CHIC2: variants seen among roughly 807,000 people sequenced by gnomAD.
CHIC2 encodes the protein cysteine rich hydrophobic domain 2.
A neutral mutation model predicts 25.9 loss-of-function variants in CHIC2; 14 were observed. The observed-to-expected ratio is 0.54, with a 90% CI of 0.36 to 0.85. The LOEUF is 0.85. CHIC2 is among the 40% of genes least tolerant of loss of function. The probability of loss-of-function intolerance (pLI) is 0.01; values close to 1 mark genes in which losing one functional copy is unlikely to be tolerated. For synonymous variants in CHIC2, 70 were observed against 72.0 expected (o/e 0.97, Z 0.14); for missense variants, 146 against 202.0 (o/e 0.72, Z 1.68).
the CHIC2 span, among the ~76,000 whole-genome samples, chr4:54,079,806 AT>A: frequency 1.3e-5 from 2 of 152,056 alleles, no homozygotes; most frequent in African/African-American, 2.4e-5. Flanking sequence ...AAAAATAAAA[AT>A]TTTTTAAAAT....
At chr4:54,049,703 G>C (rs1439734418) in intron 1 of CHIC2, among the ~76,000 whole-genome samples, 1 of 151,984 alleles carries the variant, frequency 6.6e-6, no homozygotes, top group Non-Finnish European at 1.5e-5. Context: ...GTGAATTTTA[G>C]CAGGTGTCCT....
chr4:54,031,641 CAG>C (rs34739612), intron 3 of CHIC2, among the ~76,000 whole-genome samples: 1,213 of 107,142 alleles, frequency 0.011, 18 homozygotes, highest in African/African-American at 0.042. Flanking sequence ...TTTTGTGAGA[CAG>C]AGTCTCACTA....
At chr4:54,069,494 G>A (rs1354732377), upstream of CHIC2, among the ~76,000 whole-genome samples, 2 of 152,196 alleles carry the variant, frequency 1.3e-5, no homozygotes, top group South Asian at 2.1e-4. Flanking sequence ...AATCCTCCAC[G>A]TGTTCAGCTG....
At chr4:54,021,377 T>G (rs1715896191) in intron 3 of CHIC2, among the ~76,000 whole-genome samples, 1 of 152,076 alleles carries the variant, frequency 6.6e-6, no homozygotes, top group Non-Finnish European at 1.5e-5. Flanking sequence ...GTCTGTTCCT[T>G]CAGTCTCCAC....
intron 3 of CHIC2, among the ~76,000 whole-genome samples, chr4:54,025,855 A>G (rs1716042652): frequency 1.5e-5 from 1 of 67,204 alleles, no homozygotes; most frequent in South Asian, 5.3e-4. Context: ...ACCCTGTCTC[A>G]AAAAAAAAAA....
intron 3 of CHIC2, among the ~76,000 whole-genome samples, chr4:54,039,880 AT>A (rs1716509288): frequency 6.7e-6 from 1 of 149,992 alleles, no homozygotes; most frequent in African/African-American, 2.5e-5. Flanking sequence ...CTATTAATAC[AT>A]AAAAGAAAAT....
the CHIC2 span, among the ~76,000 whole-genome samples, chr4:54,083,450 A>G: frequency 6.6e-6 from 1 of 151,680 alleles, no homozygotes; most frequent in South Asian, 2.1e-4. Flanking sequence ...TGTTCCATTC[A>G]CTCTATCTAC....
the CHIC2 span, among the ~76,000 whole-genome samples, chr4:54,076,293 AAATT>A: frequency 1.3e-5 from 2 of 152,052 alleles, no homozygotes; most frequent in South Asian, 2.1e-4. Flanking sequence ...CTCAAAAAAA[AAATT>A]AATTAATTAA....
At chr4:54,067,383 G>A (rs1401169582), upstream of CHIC2, among the ~76,000 whole-genome samples, 1 of 151,924 alleles carries the variant, frequency 6.6e-6, no homozygotes, top group Admixed American at 6.6e-5. Flanking sequence ...GTGGGACCTA[G>A]GAAGAAGGCC....
chr4:54,010,924 G>A (rs1360801668), intron 5 of CHIC2, among the ~76,000 whole-genome samples: 1 of 151,954 alleles, frequency 6.6e-6, no homozygotes, highest in East Asian at 1.9e-4. Context: ...GTTCCAAAAG[G>A]CCTTTTAATA....
intron 5 of CHIC2, among the ~76,000 whole-genome samples, chr4:54,012,446 A>T (rs993264206): frequency 3.3e-5 from 5 of 152,180 alleles, no homozygotes; most frequent in Admixed American, 2.6e-4. Context: ...TTATAGTCAT[A>T]TAGTTCTATC....
intron 3 of CHIC2, among the ~76,000 whole-genome samples, chr4:54,021,366 T>C (rs982951420): frequency 2.0e-5 from 3 of 152,138 alleles, no homozygotes; most frequent in Non-Finnish European, 4.4e-5. Context: ...CTTTCTCTCC[T>C]GTCTGTTCCT....
chr4:54,054,415 GA>G (rs1331715530), intron 1 of CHIC2, among the ~76,000 whole-genome samples: 1 of 152,180 alleles, frequency 6.6e-6, no homozygotes, highest in Non-Finnish European at 1.5e-5. Flanking sequence ...AGAAATGCAA[GA>G]ATCCACTGCT....
At chr4:54,044,015 T>C (rs1716683268) in intron 3 of CHIC2, among the ~76,000 whole-genome samples, 1 of 152,058 alleles carries the variant, frequency 6.6e-6, no homozygotes, top group African/African-American at 2.4e-5. Flanking sequence ...TAGTCTCGGA[T>C]AAAACAGACT....
chr4:54,009,962 AAAC>A lies in CHIC2; in HGVS notation c.*130_*132del, dbSNP rs1036165322. Reference sequence around the variant, plus strand: ...TAGAACATGCGGTTATTTAAAAAAAAAACAAAAACAAAAACAAAAAAAACACCA... The same window carrying A: ...TAGAACATGCGGTTATTTAAAAAAAAAAAAACAAAAACAAAAAAAACACCA... On this transcript the variant is annotated 3_prime_UTR_variant, in exon 6 of 6. Transcript: ENST00000263921. 8.1e-4 allele frequency: 411 copies of A among 509,096 alleles called. No homozygotes were observed. Among genetic ancestry groups the A allele is most frequent in the South Asian group, 2.1e-3 (60 of 28,494 alleles). 31.5% of individuals were successfully genotyped at this position (509,096 alleles called of 1,614,324 possible). A position where few individuals can be genotyped will look rare whatever the true frequency, so the allele number is the denominator to read the frequency against.
chr4:54,088,370 C>G, the CHIC2 span, among the ~76,000 whole-genome samples: 1 of 152,012 alleles, frequency 6.6e-6, no homozygotes, highest in Admixed American at 6.6e-5. Flanking sequence ...GTGTAAGCCA[C>G]AGTTTTCTGA....
intron 3 of CHIC2, among the ~76,000 whole-genome samples, chr4:54,025,689 T>C (rs1382726805): frequency 2.0e-5 from 3 of 151,622 alleles, no homozygotes; most frequent in African/African-American, 7.3e-5. Context: ...TGAAAACCCA[T>C]GTCTACAAAA....
At chr4:54,053,272 C>T (rs1041448491) in intron 1 of CHIC2, among the ~76,000 whole-genome samples, 1 of 152,042 alleles carries the variant, frequency 6.6e-6, no homozygotes, top group South Asian at 2.1e-4. Context: ...ATATTCCTAC[C>T]CTGGCTGGGT....
At chr4:54,072,032 C>T in the CHIC2 span, among the ~76,000 whole-genome samples, 4 of 151,728 alleles carry the variant, frequency 2.6e-5, no homozygotes, top group Admixed American at 6.6e-5. Context: ...CGGTGGCTCA[C>T]GTCTGTAATC....
Sources: gnomAD v4.1 joint callset for allele counts (sites outside exome capture counted in the v4.1 genomes callset) on GRCh38, gnomAD v4.1.1 for gene constraint, MANE v1.5 for transcripts, NCBI Gene and HGNC (gene_info 2026-07-23, HGNC 2026-07-21) for gene names.